Variants in BDKRB2 observed in about 807,000 individuals in gnomAD.
BDKRB2 encodes B2 bradykinin receptor.
BDKRB2 carries 6 observed loss-of-function variants against 4.0 expected under a neutral mutation model. The ratio of observed to expected loss-of-function variants is 1.49; its 90% CI spans 0.81 to 2.93. BDKRB2 has a LOEUF of 2.93. BDKRB2 is among the 30% of genes most tolerant of loss of function. The pLI is 0.00. For missense variants in BDKRB2, 478 were observed against 520.1 expected (o/e 0.92, Z 0.79); for synonymous variants, 225 against 215.3 (o/e 1.05, Z -0.40).
intron 1 of BDKRB2, among the ~76,000 whole-genome samples, chr14:96,223,529 G>T (rs1165200027): frequency 1.3e-5 from 2 of 152,088 alleles, no homozygotes; most frequent in East Asian, 3.8e-4. Context: ...CACCACCATA[G>T]CCCAGCCAGA....
At chr14:96,212,199 C>T (rs889065267) in intron 1 of BDKRB2, among the ~76,000 whole-genome samples, 4 of 152,102 alleles carry the variant, frequency 2.6e-5, no homozygotes, top group African/African-American at 9.7e-5. Context: ...GCAAAACAAA[C>T]TTGAATAGAA....
At chr14:96,226,386 A>T (rs1890698453) in intron 1 of BDKRB2, among the ~76,000 whole-genome samples, 1 of 152,112 alleles carries the variant, frequency 6.6e-6, no homozygotes, top group Non-Finnish European at 1.5e-5. Flanking sequence ...AGGTGCGGTG[A>T]CTCAAGCCTG....
chr14:96,232,142 C>G (rs1739916265), intron 1 of BDKRB2, among the ~76,000 whole-genome samples: 1 of 152,214 alleles, frequency 6.6e-6, no homozygotes, highest in Admixed American at 6.5e-5. Context: ...TGGGCTGGTG[C>G]AGGAAGAACA....
chr14:96,212,842 G>C (rs1890332332), intron 1 of BDKRB2, among the ~76,000 whole-genome samples: 1 of 152,244 alleles, frequency 6.6e-6, no homozygotes, highest in African/African-American at 2.4e-5. Flanking sequence ...CTCACCTATA[G>C]AAAGGTAGGA....
intron 1 of BDKRB2, among the ~76,000 whole-genome samples, chr14:96,232,732 G>A (rs148044990): frequency 5.9e-5 from 9 of 152,270 alleles, no homozygotes; most frequent in African/African-American, 2.2e-4. Flanking sequence ...ACGCTGAGAC[G>A]TTCTTGTTGG....
rs767435426 is a variant in BDKRB2, at chr14:96,241,438, G to A, written c.1110G>A (p.Leu370=). The change falls in exon 3 of 3, where the codon CTG becomes CTA. Residue 370 remains leucine, a synonymous_variant. Transcript: ENST00000554311. The part of the protein sequence containing the change: ...PIQMENSMGT[L]RTSISVERQI... ...AGATGGAGAACTCCATGGGCACACT[G>A]CGGACCTCCATCTCCGTGGAACGCC... The A allele has an allele frequency of 1.3e-6, 2 of 1,597,386 alleles. No homozygotes were observed. The highest frequency in any genetic ancestry group is 2.7e-5 in the African/African-American group (2 of 74,656).
intron 1 of BDKRB2, among the ~76,000 whole-genome samples, chr14:96,206,539 G>A (rs1186368998): frequency 6.6e-6 from 1 of 152,024 alleles, no homozygotes; most frequent in Non-Finnish European, 1.5e-5. Flanking sequence ...GACCCAACCT[G>A]GAAATATTAG....
At chr14:96,212,987 C>G (rs1890335862) in intron 1 of BDKRB2, among the ~76,000 whole-genome samples, 1 of 152,164 alleles carries the variant, frequency 6.6e-6, no homozygotes, top group Non-Finnish European at 1.5e-5. Context: ...AGCTATTTCG[C>G]CACCAGTATT....
intron 1 of BDKRB2, among the ~76,000 whole-genome samples, chr14:96,219,688 G>T (rs954872716): frequency 2.0e-5 from 3 of 151,966 alleles, no homozygotes; most frequent in Admixed American, 6.6e-5. Context: ...TATTTCCTGA[G>T]CCCCTGTCGT....
At chr14:96,207,665 G>T (rs1890220005) in intron 1 of BDKRB2, among the ~76,000 whole-genome samples, 1 of 152,144 alleles carries the variant, frequency 6.6e-6, no homozygotes, top group East Asian at 1.9e-4. Flanking sequence ...GACTGCTCTT[G>T]TGGGGGATGT....
At chr14:96,234,450 A>G (rs1890887503) in intron 1 of BDKRB2, among the ~76,000 whole-genome samples, 1 of 152,108 alleles carries the variant, frequency 6.6e-6, no homozygotes, top group Non-Finnish European at 1.5e-5. Context: ...AAACCCAAAG[A>G]GAAGCCGGAA....
intron 1 of BDKRB2, among the ~76,000 whole-genome samples, chr14:96,223,818 T>TAA (rs749692153): frequency 1.4e-5 from 2 of 141,746 alleles, no homozygotes; most frequent in Admixed American, 7.0e-5. Flanking sequence ...TTTTATAATC[T>TAA]AAAAAAAAAA....
intron 1 of BDKRB2, among the ~76,000 whole-genome samples, chr14:96,232,209 C>T (rs1412661804): frequency 6.6e-6 from 1 of 152,194 alleles, no homozygotes. Context: ...CACACGGACT[C>T]GTCTACTCCA....
At chr14:96,212,611 T>C (rs1230941967) in intron 1 of BDKRB2, among the ~76,000 whole-genome samples, 2 of 152,172 alleles carry the variant, frequency 1.3e-5, no homozygotes, top group Non-Finnish European at 2.9e-5. Context: ...AATAAGTTGA[T>C]GGCAGAGATC....
Position 96,241,699 on chromosome 14 carries a change from C to T in BDKRB2, c.*195C>T, listed in dbSNP as rs1231765676. 1.1e-6 allele frequency: 1 copy of T among 886,514 alleles called. No individual in the cohort carries two copies. The highest frequency in any genetic ancestry group is 1.6e-6 in the Non-Finnish European group (1 of 634,750). The allele number at this position is 886,514 out of a possible 1,614,324, so 54.9% of individuals were successfully genotyped here. On this transcript the variant is annotated 3_prime_UTR_variant, in exon 3 of 3. Coordinates refer to ENST00000554311, the MANE Select transcript of BDKRB2 (RefSeq NM_001379692.1). ...AGCATGGCTGTGAGGATGGGGTGAA[C>T]TCACGCACAGCCAAGGACTCCAAAA...
At chr14:96,226,729 C>G (rs1379292894) in intron 1 of BDKRB2, among the ~76,000 whole-genome samples, 2 of 152,122 alleles carry the variant, frequency 1.3e-5, no homozygotes, top group Non-Finnish European at 2.9e-5. Flanking sequence ...GGCTGTGTGT[C>G]CTGGTAGAAT....
intron 1 of BDKRB2, among the ~76,000 whole-genome samples, chr14:96,219,942 C>A (rs145208669): frequency 4.6e-5 from 7 of 151,952 alleles, no homozygotes; most frequent in Non-Finnish European, 8.8e-5. Flanking sequence ...GGTCCAGGGA[C>A]CTTTCTGGCC....
In BDKRB2 at chr14:96,241,286, A is replaced by G. The variant is rs1312528542; in HGVS notation, c.958A>G (p.Met320Val). Reference protein sequence around the residue: ...IDVITQIASFMAYSNSCLNPL... With the variant: ...IDVITQIASFVAYSNSCLNPL... ...TGTAATCACACAGATCGCCTCCTTC[A>G]TGGCCTACAGCAACAGCTGCCTCAA... is the stretch of plus-strand genomic sequence containing the variant. The change falls in exon 3 of 3, where the codon ATG becomes GTG. Residue 320 changes from methionine (M) to valine (V), a missense_variant. Coordinates refer to ENST00000554311, the MANE Select transcript of BDKRB2 (RefSeq NM_001379692.1). 2 of 1,613,950 alleles carry G rather than the reference A, an allele frequency of 1.2e-6. No individual in the cohort carries two copies. The highest frequency in any genetic ancestry group is 2.7e-5 in the African/African-American group (2 of 74,924).
intron 1 of BDKRB2, among the ~76,000 whole-genome samples, chr14:96,219,910 T>G (rs1222645478): frequency 6.6e-6 from 1 of 151,836 alleles, no homozygotes; most frequent in Non-Finnish European, 1.5e-5. Context: ...CTCCTGCCCT[T>G]TGTGGAGCAG....
Sources: allele counts gnomAD v4.1 joint callset (sites outside exome capture counted in the v4.1 genomes callset), GRCh38; gene constraint gnomAD v4.1.1; transcripts MANE v1.5; gene names NCBI Gene and HGNC (gene_info 2026-07-23, HGNC 2026-07-21).